Variants in ANKHD1 observed in about 807,000 individuals in gnomAD.
The protein encoded by ANKHD1 is ankyrin repeat and KH domain-containing protein 1.
ANKHD1 carries 31 observed loss-of-function variants against 230.5 expected under a neutral mutation model. The ratio of observed to expected loss-of-function variants is 0.13; its 90% CI spans 0.10 to 0.18. The LOEUF (loss-of-function observed/expected upper bound fraction) is 0.18, where lower values mean the gene tolerates loss of function less well. ANKHD1 is among the 10% of genes least tolerant of loss of function. ANKHD1 has a pLI of 1.00. For synonymous variants in ANKHD1, 1,074 were observed against 1,117.6 expected, an observed-to-expected ratio of 0.96 and a Z score of 0.78; for missense variants, 2,256 against 3,071.3, an observed-to-expected ratio of 0.73 and a Z score of 6.27.
chr5:140,470,415 A>G (rs1012647306), intron 10 of ANKHD1, among the ~76,000 whole-genome samples: 7 of 148,826 alleles, frequency 4.7e-5, no homozygotes, highest in Non-Finnish European at 1.0e-4. Context: ...TCTTTCTGCT[A>G]TGTTTTTGAC....
In ANKHD1 at chr5:140,446,996, G is replaced by A. The variant is rs185969545; in HGVS notation, c.1147+1021G>A. On this transcript the variant is annotated intron_variant, in intron 6 of 33. Transcript: ENST00000360839. The stretch of plus-strand genomic sequence containing the variant: ...GTGATCTTGGCTCACTGCAACTTCC[G>A]CCTCCCGGGTTCAAGTGATTCTCCT... Among the ~76,000 whole-genome samples, 389 of 151,840 alleles carry A rather than the reference G, an allele frequency of 2.6e-3. 2 individuals carry two copies. The highest frequency in any genetic ancestry group is 8.9e-3 in the African/African-American group (370 of 41,400).
chr5:140,459,839 A>G (rs1202447401), intron 9 of ANKHD1, among the ~76,000 whole-genome samples: 1 of 152,094 alleles, frequency 6.6e-6, no homozygotes, highest in Non-Finnish European at 1.5e-5. Flanking sequence ...AACTTTAACA[A>G]TTAACTGTTA....
At chr5:140,538,353 T>A (rs958925678) in intron 32 of ANKHD1, 92 bp downstream of exon 32, 3 of 1,530,438 alleles carry the variant, frequency 2.0e-6, no homozygotes, top group Non-Finnish European at 2.6e-6. Context: ...TAATGCTCCC[T>A]TTTGTTTCTG....
chr5:140,519,858 A>G (rs1056198113), intron 24 of ANKHD1, among the ~76,000 whole-genome samples: 16 of 152,058 alleles, frequency 1.1e-4, no homozygotes, highest in Non-Finnish European at 1.9e-4. Flanking sequence ...CATTCAGGAC[A>G]TAGGCATGGG....
In ANKHD1 at chr5:140,417,430, T is replaced by A. The variant is rs181502912; in HGVS notation, c.306+15157T>A. ...ATTAAACATTTTTTTAATTAAAAAA[T>A]TTTTTAATTTAAAATTTTTAATTTA... On this transcript the variant is annotated intron_variant, in intron 1 of 33. Coordinates refer to ENST00000360839, the MANE Select transcript of ANKHD1 (RefSeq NM_017747.3). Among the ~76,000 whole-genome samples the A allele has an allele frequency of 9.0e-3, 1,370 of 151,704 alleles. 13 individuals are homozygous for A. Among genetic ancestry groups the A allele is most frequent in the African/African-American group, 0.031 (1,296 of 41,476 alleles).
intron 1 of ANKHD1, among the ~76,000 whole-genome samples, chr5:140,421,088 C>T (rs1369743599): frequency 5.3e-5 from 8 of 151,966 alleles, no homozygotes; most frequent in South Asian, 2.1e-4. Context: ...TTTTTTAACC[C>T]GTTTACCCTG....
intron 10 of ANKHD1, 75 bp downstream of exon 10, chr5:140,464,851 A>G (rs879870521): frequency 2.1e-6 from 3 of 1,404,796 alleles, no homozygotes; most frequent in Non-Finnish European, 2.9e-6. Flanking sequence ...AGAAAACACT[A>G]AAGATCAATG....
At position 140,534,022 on chromosome 5, in the gene ANKHD1, T is replaced by C. The variant is rs532364305; in HGVS notation, c.6851-1340T>C. Among the ~76,000 whole-genome samples, 55 of 152,126 alleles carry C rather than the reference T, an allele frequency of 3.6e-4. 1 individual carries two copies. Among genetic ancestry groups the C allele is most frequent in the African/African-American group, 1.2e-3 (51 of 41,504 alleles). On this transcript the variant is annotated intron_variant, in intron 29 of 33. Transcript: ENST00000360839. ...CACAATAATGAAAGTCTGAAATAAGTAGGAAATGCATTAAGTTACCCACAT... is the reference window on the plus strand; with the variant it reads ...CACAATAATGAAAGTCTGAAATAAGCAGGAAATGCATTAAGTTACCCACAT...
chr5:140,455,120 T>C (rs1167208948), intron 7 of ANKHD1, among the ~76,000 whole-genome samples: 1 of 152,092 alleles, frequency 6.6e-6, no homozygotes, highest in Non-Finnish European at 1.5e-5. Flanking sequence ...CTAGAAGAAA[T>C]TGATAAATTC....
chr5:140,522,443 T>C (rs1753394428), intron 24 of ANKHD1, among the ~76,000 whole-genome samples: 1 of 152,236 alleles, frequency 6.6e-6, no homozygotes, highest in Non-Finnish European at 1.5e-5. Flanking sequence ...CAACCTTTTC[T>C]TCTCTCTTTA....
chr5:140,531,157 A>C (rs1327492288), intron 29 of ANKHD1, among the ~76,000 whole-genome samples: 1 of 152,248 alleles, frequency 6.6e-6, no homozygotes, highest in Non-Finnish European at 1.5e-5. Flanking sequence ...GATAGGAAGC[A>C]TTAATCCTTG....
chr5:140,459,983 C>T (rs969092409), intron 9 of ANKHD1, among the ~76,000 whole-genome samples: 22 of 152,024 alleles, frequency 1.4e-4, no homozygotes, highest in African/African-American at 4.8e-4. Context: ...TAAGGTATCT[C>T]GTTCACCTTC....
At chr5:140,518,630 C>G (rs1336310535) in intron 24 of ANKHD1, among the ~76,000 whole-genome samples, 1 of 152,140 alleles carries the variant, frequency 6.6e-6, no homozygotes, top group Non-Finnish European at 1.5e-5. Context: ...AAGGCTGGTT[C>G]AGTATACGCA....
At chr5:140,511,780 A>C (rs1020654931) in intron 22 of ANKHD1, among the ~76,000 whole-genome samples, 3 of 152,160 alleles carry the variant, frequency 2.0e-5, no homozygotes, top group Admixed American at 6.5e-5. Flanking sequence ...TAAACATATA[A>C]ATTATTTCTG....
chr5:140,464,096 C>T (rs1018280749), intron 9 of ANKHD1, among the ~76,000 whole-genome samples: 5 of 151,954 alleles, frequency 3.3e-5, no homozygotes, highest in African/African-American at 9.7e-5. Context: ...ATTAGCCAAG[C>T]GTGGTGGCAT....
chr5:140,485,488 A>G lies in ANKHD1; in HGVS notation c.1999-101A>G, dbSNP rs975374660. On this transcript the variant is annotated intron_variant, in intron 12 of 33. Coordinates refer to ENST00000360839, the MANE Select transcript of ANKHD1 (RefSeq NM_017747.3). This position sits in a 1 kb window ranked among gnomAD's most constrained non-coding sequence, Gnocchi z 4.8. ...ATAGTTATAAAAATATGTTTGATCT[A>G]TCTTAGTGCTTAGTATTTAATACTG... The G allele has an allele frequency of 4.7e-6, 7 of 1,482,026 alleles. No individual in the cohort carries two copies. Among genetic ancestry groups the G allele is most frequent in the South Asian group, 2.7e-5 (2 of 75,082 alleles). The allele number at this position is 1,482,026 out of a possible 1,614,324, so 91.8% of individuals were successfully genotyped here.
At chr5:140,474,705 C>T (rs560909714) in intron 10 of ANKHD1, among the ~76,000 whole-genome samples, 1 of 151,128 alleles carries the variant, frequency 6.6e-6, no homozygotes, top group Non-Finnish European at 1.5e-5. Context: ...CATGGCATCC[C>T]CTTTCCTCAG....
rs759796753 is a variant in ANKHD1 at position 140,497,293 on chromosome 5, A to G, written c.3004+15A>G. On this transcript the variant is annotated intron_variant, in intron 15 of 33. Coordinates refer to ENST00000360839, the MANE Select transcript of ANKHD1 (RefSeq NM_017747.3). ...CCTGATAGCAGGTGGGTTAAGAAAT[A>G]TATCTGTAATAATTTCTCTTTAATC... 7.6e-6 allele frequency: 12 copies of G among 1,580,132 alleles called. No homozygotes were observed. The South Asian group carries it at 1.0e-4, about 13-fold the overall frequency.
At position 140,513,452 on chromosome 5, in the gene ANKHD1, T is replaced by C; in HGVS notation, c.4290T>C (p.Ile1430=). 2 of 1,613,306 alleles carry C rather than the reference T, an allele frequency of 1.2e-6. No homozygotes were observed. The highest frequency in any genetic ancestry group is 1.7e-6 in the Non-Finnish European group (2 of 1,179,712). Residue 1430 remains isoleucine (I), a synonymous_variant, in exon 24 of 34, where the codon ATT becomes ATC. Transcript: ENST00000360839. ...QAAEANKNAS[I]LLKELDLEKS... ...CAGAAGCAAATAAGAATGCGAGTAT[T>C]CTTTTAAAGGAACTTGATCTGGAAA...
Sources: gnomAD v4.1 joint callset for allele counts (sites outside exome capture counted in the v4.1 genomes callset) on GRCh38, gnomAD v4.1.1 for gene constraint, Gnocchi (gnomAD v3.1) non-coding constraint, MANE v1.5 for transcripts, NCBI Gene and HGNC (gene_info 2026-07-23, HGNC 2026-07-21) for gene names.